The following SLC26A11 variants were observed in gnomAD, a reference collection of about 807,000 sequenced individuals.
SLC26A11 encodes the protein solute carrier family 26 member 11.
Under a neutral mutation model 62.2 loss-of-function variants are expected in SLC26A11, and 58 were observed. That is an observed-to-expected ratio of 0.93 (90% CI 0.76 to 1.16). The LOEUF (loss-of-function observed/expected upper bound fraction) is 1.16, where lower values mean the gene tolerates loss of function less well. Ranked by LOEUF, SLC26A11 falls within the 50% of genes most tolerant of loss-of-function variation. The pLI is 0.00. For synonymous variants in SLC26A11, 411 were observed against 368.9 expected, an observed-to-expected ratio of 1.11 and a Z score of -1.31; for missense variants, 790 against 794.3, an observed-to-expected ratio of 0.99 and a Z score of 0.06.
At chr17:80,241,074 C>T (rs2042847314) in intron 9 of SLC26A11, among the ~76,000 whole-genome samples, 1 of 152,218 alleles carries the variant, frequency 6.6e-6, no homozygotes, top group African/African-American at 2.4e-5. Flanking sequence ...CACTGCACTC[C>T]AGCCTGGGTG....
intron 7 of SLC26A11, among the ~76,000 whole-genome samples, chr17:80,236,221 C>T (rs753124959): frequency 9.2e-5 from 14 of 152,198 alleles, no homozygotes; most frequent in South Asian, 2.1e-4. Context: ...GGGTCATTTT[C>T]GCCCAGCTTT....
At chr17:80,226,131 T>G (rs545292723) in intron 6 of SLC26A11, among the ~76,000 whole-genome samples, 72 of 151,944 alleles carry the variant, frequency 4.7e-4, no homozygotes, top group Non-Finnish European at 2.9e-5. Context: ...AGGAGGCCGG[T>G]GGTCTGCGCG....
intron 16 of SLC26A11, among the ~76,000 whole-genome samples, chr17:80,250,550 C>A (rs1266556464): frequency 6.6e-6 from 1 of 152,200 alleles, no homozygotes; most frequent in Non-Finnish European, 1.5e-5. Flanking sequence ...AAAAAATACT[C>A]CTCTGACCCA....
At chr17:80,235,081 T>G (rs899999994) in intron 7 of SLC26A11, among the ~76,000 whole-genome samples, 5 of 152,114 alleles carry the variant, frequency 3.3e-5, no homozygotes, top group African/African-American at 1.2e-4. Context: ...AATTCCTGAC[T>G]TCAGGTGATT....
At position 80,251,415 on chromosome 17, in the gene SLC26A11, G is replaced by A. The variant is rs1316310526; in HGVS notation, c.1729+14G>A. On this transcript the variant is annotated intron_variant, in intron 17 of 17. Transcript: ENST00000361193. ...TGGAAGAAGCAGGTGGGCACAGTCA[G>A]ACATCCTGTGGCTTTGGTGATTTTG... 2 of 1,613,636 alleles carry A rather than the reference G, an allele frequency of 1.2e-6. No homozygotes were observed. The highest frequency in any genetic ancestry group is 1.7e-5 in the Admixed American group (1 of 59,886).
At chr17:80,227,542 T>C (rs902803304) in intron 6 of SLC26A11, among the ~76,000 whole-genome samples, 15 of 152,278 alleles carry the variant, frequency 9.9e-5, no homozygotes, top group Admixed American at 2.0e-4. Flanking sequence ...GGATGCATAT[T>C]GCTTAGGAGA....
At chr17:80,250,243 A>G (rs569956616) in intron 16 of SLC26A11, among the ~76,000 whole-genome samples, 1 of 152,338 alleles carries the variant, frequency 6.6e-6, no homozygotes, top group Non-Finnish European at 1.5e-5. Context: ...TTCATGAACT[A>G]GCCATGGAAC....
In SLC26A11 at chr17:80,238,811, G is replaced by GTTTT. The variant is rs1276063968; in HGVS notation, c.985+1222_985+1225dup. On this transcript the variant is annotated intron_variant, in intron 9 of 17. Coordinates refer to ENST00000361193, the MANE Select transcript of SLC26A11 (RefSeq NM_001166347.2). ...TCTAACCCTTACCCCCTTCAAAGGA[G>GTTTT]TTTTTTTTGTTTTTTGTTTTTTTTT... 8.8e-4 allele frequency among the ~76,000 whole-genome samples: 109 copies of GTTTT among 123,244 alleles called. 11 individuals are homozygous for GTTTT. The highest frequency in any genetic ancestry group is 3.4e-3 in the African/African-American group (98 of 29,216). 80.9% of individuals were successfully genotyped at this position (123,244 alleles called of 152,430 possible).
chr17:80,227,080 G>A (rs1567947729), intron 6 of SLC26A11, among the ~76,000 whole-genome samples: 1 of 152,194 alleles, frequency 6.6e-6, no homozygotes, highest in Non-Finnish European at 1.5e-5. Flanking sequence ...CTTACTGACC[G>A]TTTAGTCCTA....
rs116451109 is a variant in SLC26A11, at chr17:80,240,430, C to T, written c.986-1341C>T. On this transcript the variant is annotated intron_variant, in intron 9 of 17. Coordinates refer to ENST00000361193, the MANE Select transcript of SLC26A11 (RefSeq NM_001166347.2). ...CTCCTGTGCCTTCCCCTAAAACCTT[C>T]GCCTGCTCACCTCTCTGAGATGGCC... Among the ~76,000 whole-genome samples, 1,505 of 152,100 alleles carry T rather than the reference C, an allele frequency of 9.9e-3. 30 individuals carry two copies. Among genetic ancestry groups the T allele is most frequent in the African/African-American group, 0.035 (1,447 of 41,508 alleles).
chr17:80,247,383 C>T lies in SLC26A11; in HGVS notation c.1294+734C>T, dbSNP rs575263611. Reference sequence around the variant, plus strand: ...TACACCTCCCAGACGGGGTGGTGGCCGGGCAGAGGGGCTCCTCACTTCCCA... The same window carrying T: ...TACACCTCCCAGACGGGGTGGTGGCTGGGCAGAGGGGCTCCTCACTTCCCA... On this transcript the variant is annotated intron_variant, in intron 13 of 17. Coordinates refer to ENST00000361193, the MANE Select transcript of SLC26A11 (RefSeq NM_001166347.2). Among the ~76,000 whole-genome samples, 153 of 152,240 alleles carry T rather than the reference C, an allele frequency of 1.0e-3. 2 individuals carry two copies. Among genetic ancestry groups the T allele is most frequent in the African/African-American group, 3.4e-3 (142 of 41,552 alleles).
chr17:80,247,344 A>G (rs2043031871), intron 13 of SLC26A11, among the ~76,000 whole-genome samples: 1 of 152,056 alleles, frequency 6.6e-6, no homozygotes, highest in Admixed American at 6.5e-5. Flanking sequence ...GCGCGTTCTC[A>G]ATGAGCTGTT....
At chr17:80,234,248 GCCCTCCT>G (rs946556830) in intron 7 of SLC26A11, among the ~76,000 whole-genome samples, 11 of 152,026 alleles carry the variant, frequency 7.2e-5, no homozygotes, top group Non-Finnish European at 1.3e-4. Context: ...CAGGTGATCC[GCCCTCCT>G]TGGCCTCCCA....
At chr17:80,244,575 C>T (rs1369766241) in intron 10 of SLC26A11, among the ~76,000 whole-genome samples, 1 of 152,184 alleles carries the variant, frequency 6.6e-6, no homozygotes, top group African/African-American at 2.4e-5. Flanking sequence ...GGCATGGTGG[C>T]TCACTCCTGT....
Position 80,227,884 on chromosome 17 carries a change from C to T in SLC26A11, c.660C>T (p.Asp220=). The change falls in exon 7 of 18, where the codon GAC becomes GAT. Residue 220 remains aspartate (D), a synonymous_variant. Coordinates refer to ENST00000361193, the MANE Select transcript of SLC26A11 (RefSeq NM_001166347.2). ...TGCTGGTGCTGAAGCTGATGCGGGA[C>T]CACGTGCCTCCCGTCCACCCCGAGA... The part of the protein sequence containing the change: ...LLLLVLKLMR[D]HVPPVHPEMP... 1 of 1,602,178 alleles carries T rather than the reference C, an allele frequency of 6.2e-7. No homozygotes were observed. Among genetic ancestry groups the T allele is most frequent in the Admixed American group, 1.7e-5 (1 of 60,010 alleles).
chr17:80,232,325 G>C (rs2042587125), intron 7 of SLC26A11, among the ~76,000 whole-genome samples: 1 of 151,788 alleles, frequency 6.6e-6, no homozygotes, highest in African/African-American at 2.4e-5. Flanking sequence ...CGTGATCTTG[G>C]CTCACTGCAA....
rs546574609 is a variant in SLC26A11 at position 80,239,166 on chromosome 17, G to A, written c.985+1572G>A. On this transcript the variant is annotated intron_variant, in intron 9 of 17. Transcript: ENST00000361193. ...GTGATCTTGGCTCACCGCAACCTCCGCCCCCCAGGTTCCAGCAATTATCCT... is the reference window on the plus strand; with the variant it reads ...GTGATCTTGGCTCACCGCAACCTCCACCCCCCAGGTTCCAGCAATTATCCT... Among the ~76,000 whole-genome samples, 7 of 147,706 alleles carry A rather than the reference G, an allele frequency of 4.7e-5. No individual in the cohort carries two copies. The South Asian group carries it at 6.5e-4, about 14-fold the overall frequency.
At chr17:80,237,234 G>A in intron 8 of SLC26A11, 131 bp downstream of exon 8, 1 of 1,112,556 alleles carries the variant, frequency 9.0e-7, no homozygotes, top group Non-Finnish European at 1.3e-6. Flanking sequence ...CTCAGGAACG[G>A]ACATCTCAGT....
chr17:80,248,971 T>C (rs866089414), intron 15 of SLC26A11, among the ~76,000 whole-genome samples, 183 bp from the exon 16 acceptor site: 4 of 152,164 alleles, frequency 2.6e-5, no homozygotes, highest in African/African-American at 9.7e-5. Flanking sequence ...CAGCTGCTGC[T>C]GTCACCAAAC....
Sources: allele counts gnomAD v4.1 joint callset (sites outside exome capture counted in the v4.1 genomes callset), GRCh38; gene constraint gnomAD v4.1.1; transcripts MANE v1.5; gene names NCBI Gene and HGNC (gene_info 2026-07-23, HGNC 2026-07-21).